SH3PXD2B: variants seen among roughly 807,000 people sequenced by gnomAD.
SH3PXD2B encodes SH3 and PX domains 2B, also known as SH3 and PX domain-containing protein 2B.
SH3PXD2B carries 37 observed loss-of-function variants against 73.1 expected under a neutral mutation model. That is an observed-to-expected ratio of 0.51 (90% CI 0.39 to 0.67). The LOEUF (loss-of-function observed/expected upper bound fraction) is 0.67, where lower values mean the gene tolerates loss of function less well. SH3PXD2B is among the 30% of genes least tolerant of loss of function. SH3PXD2B has a pLI of 0.00. For synonymous variants in SH3PXD2B, 457 were observed against 480.5 expected, an observed-to-expected ratio of 0.95 and a Z score of 0.64; for missense variants, 1,053 against 1,197.8, an observed-to-expected ratio of 0.88 and a Z score of 1.78.
Position 172,437,594 on chromosome 5 carries a change from G to A in SH3PXD2B, c.76-15098C>T, listed in dbSNP as rs571731636. ...TCCTGGCCCCAGGCCAGAGCTTTCC[G>A]GTCCCCACGTCAGCGCCAGGAATCA... is the stretch of plus-strand genomic sequence containing the variant. On this transcript the variant is annotated intron_variant, in intron 1 of 12. Coordinates refer to ENST00000311601, the MANE Select transcript of SH3PXD2B (RefSeq NM_001017995.3). 2.0e-5 allele frequency among the ~76,000 whole-genome samples: 3 copies of A among 152,294 alleles called. No individual in the cohort carries two copies. In the East Asian group the frequency reaches 5.8e-4, roughly 29 times the overall value.
rs550769004 is a variant in SH3PXD2B at position 172,374,704 on chromosome 5, C to T, written c.402-889G>A. Among the ~76,000 whole-genome samples the T allele has an allele frequency of 5.3e-5, 8 of 152,262 alleles. No individual in the cohort carries two copies. The South Asian group carries it at 1.7e-3, about 32-fold the overall frequency. On this transcript the variant is annotated intron_variant, in intron 5 of 12. Transcript: ENST00000311601. ...TTGGTGGGGGGAGTGGGGAAAGCAACTGTATCACAAATGCAGCATTACAAA... is the reference window on the plus strand; with the variant it reads ...TTGGTGGGGGGAGTGGGGAAAGCAATTGTATCACAAATGCAGCATTACAAA...
At chr5:172,416,883 A>AT (rs1758839818) in intron 2 of SH3PXD2B, among the ~76,000 whole-genome samples, 1 of 151,120 alleles carries the variant, frequency 6.6e-6, no homozygotes, top group Non-Finnish European at 1.5e-5. Flanking sequence ...TAATTTCTAA[A>AT]TTTTTTGTAG....
In SH3PXD2B at chr5:172,337,995, C is replaced by A; in HGVS notation, c.*374G>T. 8.5e-7 allele frequency: 1 copy of A among 1,181,230 alleles called. No individual in the cohort carries two copies. Among genetic ancestry groups the A allele is most frequent in the South Asian group, 2.0e-5 (1 of 50,544 alleles). The allele number at this position is 1,181,230 out of a possible 1,614,324, so 73.2% of individuals were successfully genotyped here. A position where few individuals can be genotyped will look rare whatever the true frequency, so the allele number is the denominator to read the frequency against. ...GCCCCTTACTGTGCCATGTCCAAGC[C>A]ATGAGAGACCCTTGCTGGAGTTTCT... On this transcript the variant is annotated 3_prime_UTR_variant, in exon 13 of 13. Transcript: ENST00000311601.
chr5:172,385,265 A>T (rs960361297), intron 4 of SH3PXD2B, among the ~76,000 whole-genome samples: 4 of 152,056 alleles, frequency 2.6e-5, no homozygotes, highest in Non-Finnish European at 5.9e-5. Flanking sequence ...GTGTGCAAAT[A>T]TCTTGTGGCT....
intron 2 of SH3PXD2B, among the ~76,000 whole-genome samples, chr5:172,416,331 C>CCTT (rs1554140703): frequency 7.0e-6 from 1 of 143,330 alleles, no homozygotes; most frequent in African/African-American, 2.6e-5. Flanking sequence ...CCTGTCTCTA[C>CCTT]TTTTTTTTTT....
chr5:172,399,862 C>T (rs552996296), intron 3 of SH3PXD2B, among the ~76,000 whole-genome samples: 1 of 152,274 alleles, frequency 6.6e-6, no homozygotes, highest in South Asian at 2.1e-4. Flanking sequence ...GGCTTATGTG[C>T]CTTTTCCTGC....
intron 8 of SH3PXD2B, among the ~76,000 whole-genome samples, chr5:172,358,198 C>A (rs1164352901): frequency 6.6e-6 from 1 of 152,164 alleles, no homozygotes; most frequent in African/African-American, 2.4e-5. Flanking sequence ...TCACTAACTG[C>A]CCTAGTTTTA....
chr5:172,402,835 T>C (rs1269518455), intron 3 of SH3PXD2B, among the ~76,000 whole-genome samples: 5 of 152,376 alleles, frequency 3.3e-5, no homozygotes, highest in Admixed American at 1.3e-4. Flanking sequence ...CTTTAGACTT[T>C]AGATGATTCA....
intron 3 of SH3PXD2B, among the ~76,000 whole-genome samples, chr5:172,405,924 C>A (rs1225665020): frequency 6.6e-6 from 1 of 152,196 alleles, no homozygotes; most frequent in Non-Finnish European, 1.5e-5. Flanking sequence ...AAAGGGTCTT[C>A]TCAAAGTCAT....
At chr5:172,354,044 C>T in intron 8 of SH3PXD2B, 39 bp from the exon 9 acceptor site, 1 of 1,579,796 alleles carries the variant, frequency 6.3e-7, no homozygotes, top group Non-Finnish European at 8.7e-7. Flanking sequence ...GAAGAGGACA[C>T]CAAGAGGCTT....
intron 1 of SH3PXD2B, among the ~76,000 whole-genome samples, chr5:172,444,584 A>G (rs1482293401): frequency 6.6e-6 from 1 of 152,212 alleles, no homozygotes; most frequent in Non-Finnish European, 1.5e-5. Flanking sequence ...AGAACAAAAC[A>G]AATTTGGAGT....
chr5:172,434,079 C>T (rs893843029), intron 1 of SH3PXD2B, among the ~76,000 whole-genome samples: 1 of 152,094 alleles, frequency 6.6e-6, no homozygotes, highest in Non-Finnish European at 1.5e-5. Flanking sequence ...CTATAGTTAA[C>T]AACAGTGTAT....
At chr5:172,351,568 A>T (rs559567597) in intron 9 of SH3PXD2B, among the ~76,000 whole-genome samples, 3 of 152,306 alleles carry the variant, frequency 2.0e-5, no homozygotes, top group African/African-American at 7.2e-5. Context: ...ATAGCTTGAA[A>T]TTGACCATGG....
At chr5:172,375,534 A>C (rs1460284286) in intron 5 of SH3PXD2B, among the ~76,000 whole-genome samples, 1 of 152,204 alleles carries the variant, frequency 6.6e-6, no homozygotes, top group East Asian at 1.9e-4. Context: ...GGCCTTGGCA[A>C]CCACAAATCC....
Position 172,336,398 on chromosome 5 carries a change from G to T in SH3PXD2B, c.*1971C>A. The T allele has an allele frequency of 3.0e-6, 3 of 985,928 alleles. No individual in the cohort carries two copies. The highest frequency in any genetic ancestry group is 3.6e-6 in the Non-Finnish European group (3 of 830,008). The allele number at this position is 985,928 out of a possible 1,614,324, so 61.1% of individuals were successfully genotyped here. ...ATCTGCCCCCAACGCTCTGGGCACA[G>T]GGCCAAGTGGCAAGTGGGCCCTGCC... is the stretch of plus-strand genomic sequence containing the variant. On this transcript the variant is annotated 3_prime_UTR_variant, in exon 13 of 13. Transcript: ENST00000311601.
At chr5:172,326,037 T>G (rs571473142) in intron 12 of SH3PXD2B, among the ~76,000 whole-genome samples, 1 of 152,328 alleles carries the variant, frequency 6.6e-6, no homozygotes, top group South Asian at 2.1e-4. Context: ...TCCGCCTGCC[T>G]CAGCCTCCCG....
chr5:172,328,735 A>T (rs1349481842), downstream of SH3PXD2B, among the ~76,000 whole-genome samples: 1 of 152,096 alleles, frequency 6.6e-6, no homozygotes, highest in Non-Finnish European at 1.5e-5. Flanking sequence ...TCCCACAGCT[A>T]GGGGCCCAGT....
intron 12 of SH3PXD2B, among the ~76,000 whole-genome samples, chr5:172,341,817 A>AT (rs35817977): frequency 0.016 from 2,389 of 144,960 alleles, 46 homozygotes; most frequent in African/African-American, 0.047. Flanking sequence ...TGCCCGGCTA[A>AT]TTTTTTTTTT....
intron 1 of SH3PXD2B, among the ~76,000 whole-genome samples, chr5:172,433,932 AG>A (rs1759310755): frequency 1.3e-5 from 2 of 152,128 alleles, no homozygotes; most frequent in South Asian, 2.1e-4. Context: ...CTCCAGTCTA[AG>A]GGGATGGGGA....
Sources: allele counts gnomAD v4.1 joint callset (sites outside exome capture counted in the v4.1 genomes callset), GRCh38; gene constraint gnomAD v4.1.1; transcripts MANE v1.5; gene names NCBI Gene and HGNC (gene_info 2026-07-23, HGNC 2026-07-21).